Variants in STAC observed in about 807,000 individuals in gnomAD.
STAC encodes SH3 and cysteine-rich domain-containing protein.
Under a neutral mutation model 48.8 loss-of-function variants are expected in STAC, and 43 were observed. The ratio of observed to expected loss-of-function variants is 0.88; its 90% CI spans 0.69 to 1.14. The LOEUF (loss-of-function observed/expected upper bound fraction) is 1.14. STAC is among the 50% of genes most tolerant of loss of function. STAC has a pLI of 0.00. For synonymous variants in STAC, 193 were observed against 179.5 expected (o/e 1.07, Z -0.60); for missense variants, 497 against 504.0 (o/e 0.99, Z 0.13).
chr3:36,456,062 C>T (rs977785565), intron 2 of STAC, among the ~76,000 whole-genome samples: 10 of 74,016 alleles, frequency 1.4e-4, no homozygotes, highest in Non-Finnish European at 2.6e-4. Flanking sequence ...CATACACACA[C>T]GTGCGCACAC....
intron 2 of STAC, among the ~76,000 whole-genome samples, chr3:36,455,760 GGTGTGTGTGTGTGT>G (rs71085125): frequency 6.7e-6 from 1 of 149,168 alleles, no homozygotes; most frequent in East Asian, 2.0e-4. Context: ...GAAACAGGCA[GGTGTGTGTGTGTGT>G]GTGTGTGTGT....
chr3:36,408,910 G>A (rs1358930060), intron 1 of STAC, among the ~76,000 whole-genome samples: 1 of 152,144 alleles, frequency 6.6e-6, no homozygotes, highest in Admixed American at 6.5e-5. Flanking sequence ...AAATGATTGG[G>A]TGGATGGTGT....
intron 3 of STAC, among the ~76,000 whole-genome samples, chr3:36,483,808 G>C (rs1004594007): frequency 1.3e-5 from 2 of 152,156 alleles, no homozygotes; most frequent in Admixed American, 6.5e-5. Context: ...AAAATTAGCT[G>C]AGTGTGGTGG....
chr3:36,472,556 C>G (rs1697370379), intron 2 of STAC, among the ~76,000 whole-genome samples: 1 of 152,212 alleles, frequency 6.6e-6, no homozygotes, highest in Non-Finnish European at 1.5e-5. Flanking sequence ...TAACAGCACC[C>G]AAGTCACCTC....
chr3:36,412,749 A>C (rs940132722), intron 1 of STAC, among the ~76,000 whole-genome samples: 1 of 152,198 alleles, frequency 6.6e-6, no homozygotes, highest in African/African-American at 2.4e-5. Flanking sequence ...TGTTTGATTC[A>C]ATTCCATTGA....
chr3:36,486,116 C>T lies in STAC; in HGVS notation c.572-18C>T, dbSNP rs113757739. On this transcript the variant is annotated intron_variant, in intron 4 of 10. Coordinates refer to ENST00000273183, the MANE Select transcript of STAC (RefSeq NM_003149.3). ...TCTCAGATGAGCTTCCTCAGATGAA[C>T]TTTCTCTTCTGTTGCAGCCTGTGGC... 9 of 1,601,572 alleles carry T rather than the reference C, an allele frequency of 5.6e-6. No individual in the cohort carries two copies. In the African/African-American group the frequency reaches 1.1e-4, roughly 19 times the overall value.
At chr3:36,431,599 T>C (rs958444953) in intron 1 of STAC, among the ~76,000 whole-genome samples, 2 of 152,226 alleles carry the variant, frequency 1.3e-5, no homozygotes, top group Non-Finnish European at 2.9e-5. Context: ...ACTCACTTCT[T>C]CATTCTCCCT....
chr3:36,521,097 T>TATCTTTTTCTGCCCCAGAAAAAG (rs1310776994), intron 8 of STAC, among the ~76,000 whole-genome samples: 1 of 152,080 alleles, frequency 6.6e-6, no homozygotes, highest in African/African-American at 2.4e-5. Flanking sequence ...TGGAGCCATT[T>TATCTTTTTCTGCCCCAGAAAAAG]GGCTGGCTCC....
chr3:36,469,807 G>A (rs889226056), intron 2 of STAC, among the ~76,000 whole-genome samples: 8 of 151,196 alleles, frequency 5.3e-5, no homozygotes, highest in Non-Finnish European at 8.8e-5. Flanking sequence ...GGGTTAATTC[G>A]AAAGCCTTGT....
At chr3:36,394,887 A>C (rs1276381920) in intron 1 of STAC, among the ~76,000 whole-genome samples, 1 of 152,024 alleles carries the variant, frequency 6.6e-6, no homozygotes, top group Non-Finnish European at 1.5e-5. Flanking sequence ...TGTCAAAAAA[A>C]AAAAAGGAAT....
chr3:36,458,809 T>C (rs1197047330), intron 2 of STAC, among the ~76,000 whole-genome samples: 1 of 152,218 alleles, frequency 6.6e-6, no homozygotes, highest in Non-Finnish European at 1.5e-5. Context: ...CACGTATGTA[T>C]TTGCATTTCC....
intron 2 of STAC, 31 bp from the exon 3 acceptor site, chr3:36,482,961 T>A: frequency 6.5e-7 from 1 of 1,545,416 alleles, no homozygotes. Flanking sequence ...GCAGGTTGTA[T>A]CCTAACCAAA....
intron 1 of STAC, among the ~76,000 whole-genome samples, chr3:36,395,513 C>T (rs1699839084): frequency 6.6e-6 from 1 of 152,118 alleles, no homozygotes. Flanking sequence ...ATCAGGAGGT[C>T]CCTTATCTGG....
chr3:36,434,403 A>AT (rs1210791851), intron 1 of STAC, among the ~76,000 whole-genome samples: 1 of 152,262 alleles, frequency 6.6e-6, no homozygotes. Flanking sequence ...AAAAATGTCC[A>AT]TTTAAAAATC....
intron 1 of STAC, among the ~76,000 whole-genome samples, chr3:36,441,091 T>G (rs1400136213): frequency 1.3e-5 from 2 of 152,226 alleles, no homozygotes; most frequent in Admixed American, 1.3e-4. Flanking sequence ...TTTTTTGTGT[T>G]GGGAACATTC....
chr3:36,423,628 A>C (rs1177954354), intron 1 of STAC, among the ~76,000 whole-genome samples: 1 of 152,142 alleles, frequency 6.6e-6, no homozygotes, highest in African/African-American at 2.4e-5. Flanking sequence ...TTTTATCCTC[A>C]GTTGAACTAG....
chr3:36,488,471 A>C (rs1261189071), intron 5 of STAC, among the ~76,000 whole-genome samples: 2 of 152,060 alleles, frequency 1.3e-5, no homozygotes, highest in African/African-American at 4.8e-5. Context: ...CTTAAGTTGG[A>C]GTGTTCCCAG....
chr3:36,471,177 CA>C (rs1216974981), intron 2 of STAC, among the ~76,000 whole-genome samples: 1 of 152,108 alleles, frequency 6.6e-6, no homozygotes, highest in Non-Finnish European at 1.5e-5. Flanking sequence ...ATGGCAGCAG[CA>C]AGAGAGAATG....
chr3:36,385,114 C>T (rs1699589315), intron 1 of STAC, among the ~76,000 whole-genome samples: 1 of 152,140 alleles, frequency 6.6e-6, no homozygotes, highest in Admixed American at 6.5e-5. Context: ...ATTTTCTATA[C>T]AGATGCCCAC....
Sources: allele counts gnomAD v4.1 joint callset (sites outside exome capture counted in the v4.1 genomes callset), GRCh38; gene constraint gnomAD v4.1.1; transcripts MANE v1.5; gene names NCBI Gene and HGNC (gene_info 2026-07-23, HGNC 2026-07-21).